MYO3A: variants seen among roughly 807,000 people sequenced by gnomAD.
The protein encoded by MYO3A is myosin-IIIa.
A neutral mutation model predicts 192.7 loss-of-function variants in MYO3A; 180 were observed. That is an observed-to-expected ratio of 0.93 (90% CI 0.83 to 1.06). The LOEUF is 1.06. Among genes scored for constraint, MYO3A ranks in the 50% least tolerant of loss-of-function variants. MYO3A has a pLI of 0.00. For missense variants in MYO3A, 1,896 were observed against 1,905.0 expected (o/e 1.00, Z 0.09); for synonymous variants, 628 against 645.3 (o/e 0.97, Z 0.41).
At chr10:26,198,040 G>T (rs892091148) in intron 32 of MYO3A, among the ~76,000 whole-genome samples, 2 of 152,038 alleles carry the variant, frequency 1.3e-5, no homozygotes, top group Non-Finnish European at 2.9e-5. Flanking sequence ...GACCACTGTA[G>T]TACAGTACTC....
chr10:26,166,202 G>A (rs778416684), intron 27 of MYO3A, 24 bp downstream of exon 27: 1 of 1,538,714 alleles, frequency 6.5e-7, no homozygotes, highest in Non-Finnish European at 9.0e-7. Flanking sequence ...GTAATTTTCA[G>A]GAAAATAAAT....
At chr10:26,027,236 A>G (rs1179064865) in intron 10 of MYO3A, among the ~76,000 whole-genome samples, 3 of 152,230 alleles carry the variant, frequency 2.0e-5, no homozygotes, top group Non-Finnish European at 4.4e-5. Context: ...TAAATAGTAT[A>G]TAAGTTTATT....
In MYO3A at chr10:26,168,787, C is replaced by T. The variant is rs1564616009; in HGVS notation, c.3187C>T (p.Gln1063Ter). The part of the protein sequence containing the change: ...KEAIDKLILI[Q>*]ACVRAFLCSR... The stretch of plus-strand genomic sequence containing the variant: ...AGCTATTGACAAGCTTATTTTGATT[C>T]AAGCTTGTGTCAGAGCATTCTTGTG... The change falls in exon 28 of 35, where the codon CAA (glutamine) becomes TAA (stop). Residue 1063 changes from glutamine to a stop codon, truncating the protein, a stop_gained. Transcript: ENST00000642920. LOFTEE classifies it high-confidence loss of function. The T allele has an allele frequency of 1.2e-6, 2 of 1,612,934 alleles. No individual in the cohort carries two copies. The highest frequency in any genetic ancestry group is 1.7e-5 in the Admixed American group (1 of 60,018).
At chr10:26,045,216 C>T (rs1001075692) in intron 10 of MYO3A, among the ~76,000 whole-genome samples, 1 of 152,160 alleles carries the variant, frequency 6.6e-6, no homozygotes, top group Non-Finnish European at 1.5e-5. Flanking sequence ...CTGGCTGAAG[C>T]AGACTTGTCC....
chr10:25,946,695 C>T (rs905950535), intron 2 of MYO3A, among the ~76,000 whole-genome samples: 7 of 151,278 alleles, frequency 4.6e-5, no homozygotes, highest in South Asian at 4.2e-4. Context: ...CTGGCTAACA[C>T]GGTGAAACCC....
intron 4 of MYO3A, among the ~76,000 whole-genome samples, chr10:25,979,407 A>G (rs548439505): frequency 2.0e-3 from 305 of 150,312 alleles, no homozygotes; most frequent in African/African-American, 7.0e-3. Context: ...CTTTTCTTCT[A>G]TTACCAAAAA....
chr10:25,944,002 G>C (rs1162074863), intron 2 of MYO3A, among the ~76,000 whole-genome samples: 1 of 151,958 alleles, frequency 6.6e-6, no homozygotes, highest in Non-Finnish European at 1.5e-5. Context: ...GAAGCTTTTA[G>C]TCTTGCACCA....
intron 31 of MYO3A, among the ~76,000 whole-genome samples, chr10:26,190,014 A>G (rs10828961): frequency 0.29 from 44,285 of 151,976 alleles, 6,936 homozygotes; most frequent in African/African-American, 0.42. Context: ...AGTGAGCCAA[A>G]ATTGCACCAT....
chr10:26,132,105 T>C (rs950591430), intron 20 of MYO3A, among the ~76,000 whole-genome samples: 5 of 152,204 alleles, frequency 3.3e-5, no homozygotes, highest in Non-Finnish European at 7.3e-5. Context: ...AGAAAGGAAG[T>C]GTTTTTTTCA....
chr10:26,021,702 C>T (rs1487814733), intron 8 of MYO3A, 54 bp downstream of exon 8: 1 of 1,600,092 alleles, frequency 6.2e-7, no homozygotes, highest in East Asian at 2.2e-5. Flanking sequence ...CTTCCTCCAG[C>T]CACCAAGTGT....
intron 4 of MYO3A, among the ~76,000 whole-genome samples, chr10:25,986,047 T>C (rs1839632095): frequency 1.3e-5 from 2 of 152,138 alleles, no homozygotes; most frequent in Admixed American, 1.3e-4. Context: ...CAGGGATAGA[T>C]TAACATATGT....
intron 6 of MYO3A, among the ~76,000 whole-genome samples, chr10:26,012,261 G>C (rs1588773268): frequency 2.0e-5 from 3 of 152,092 alleles, no homozygotes; most frequent in Non-Finnish European, 2.9e-5. Flanking sequence ...AGCAAGAGAA[G>C]AAATAAAGGA....
intron 2 of MYO3A, among the ~76,000 whole-genome samples, chr10:25,948,022 T>A (rs1836968747): frequency 6.6e-6 from 1 of 152,154 alleles, no homozygotes; most frequent in African/African-American, 2.4e-5. Flanking sequence ...CAAGATGGGA[T>A]GCAGGAAGTA....
chr10:25,991,852 T>C (rs1006455167), intron 4 of MYO3A, among the ~76,000 whole-genome samples: 62 of 152,314 alleles, frequency 4.1e-4, no homozygotes, highest in African/African-American at 1.4e-3. Context: ...CTGAGGGCTC[T>C]GTTCTGTTCC....
chr10:25,976,612 T>C (rs1362486120), intron 4 of MYO3A, among the ~76,000 whole-genome samples: 2 of 152,180 alleles, frequency 1.3e-5, no homozygotes, highest in African/African-American at 4.8e-5. Context: ...TGATTTAGTT[T>C]TGTTTTGTAA....
intron 17 of MYO3A, among the ~76,000 whole-genome samples, chr10:26,113,384 T>C (rs944252969): frequency 6.6e-6 from 1 of 151,526 alleles, no homozygotes; most frequent in Non-Finnish European, 1.5e-5. Context: ...GCAGGAAAAT[T>C]GCTTGAACGC....
chr10:25,992,567 AG>A (rs1363865112), intron 4 of MYO3A, among the ~76,000 whole-genome samples: 6 of 152,110 alleles, frequency 3.9e-5, no homozygotes, highest in Admixed American at 3.9e-4. Flanking sequence ...GTGGTGAGAG[AG>A]GGCATCCCTG....
At chr10:26,006,059 A>G (rs1841180852) in intron 6 of MYO3A, among the ~76,000 whole-genome samples, 1 of 152,148 alleles carries the variant, frequency 6.6e-6, no homozygotes, top group Admixed American at 6.6e-5. Context: ...TAAGCTATTT[A>G]ACATTATAGA....
At chr10:26,045,658 G>A (rs906746275) in intron 10 of MYO3A, among the ~76,000 whole-genome samples, 1 of 152,136 alleles carries the variant, frequency 6.6e-6, no homozygotes, top group Non-Finnish European at 1.5e-5. Context: ...TCAGGAAACA[G>A]AATCTCATTT....
Sources: allele counts gnomAD v4.1 joint callset (sites outside exome capture counted in the v4.1 genomes callset), GRCh38; gene constraint gnomAD v4.1.1; transcripts MANE v1.5; gene names NCBI Gene and HGNC (gene_info 2026-07-23, HGNC 2026-07-21).